The following MYO3B variants were observed in gnomAD, a reference collection of about 807,000 sequenced individuals.
MYO3B encodes the protein myosin-IIIb.
In MYO3B, 156 loss-of-function variants were observed where a neutral mutation model predicts 174.6. That is an observed-to-expected ratio of 0.89 (90% confidence interval 0.78 to 1.02). The LOEUF (loss-of-function observed/expected upper bound fraction) is 1.02, where lower values mean the gene tolerates loss of function less well. MYO3B is among the 50% of genes least tolerant of loss of function. MYO3B has a pLI of 0.00. For missense variants in MYO3B, 1,632 were observed against 1,639.4 expected (o/e 1.00, Z 0.08); for synonymous variants, 563 against 569.1 (o/e 0.99, Z 0.15).
rs147016152 is a variant in MYO3B, at chr2:170,404,400, G to A, written c.2431G>A (p.Asp811Asn). ...CCAAGCAACTGACCAGACCCTGGTT[G>A]GTAGGTAACTTCTGAGAAACAGGCA... ...FPQATDQTLV[D>N]KFEDNLRCKY... The change falls in exon 20 of 35, where the codon GAT becomes AAT. Residue 811 changes from aspartate (D) to asparagine (N), a missense_variant and splice_region_variant. Asp to Asn is a conservative substitution (Grantham distance 23). Transcript: ENST00000408978. The A allele has an allele frequency of 8.1e-6, 13 of 1,605,506 alleles. No individual in the cohort carries two copies. In the Admixed American group the frequency reaches 2.2e-4, roughly 28 times the overall value.
chr2:170,586,864 C>T (rs774531685), intron 32 of MYO3B, among the ~76,000 whole-genome samples: 7 of 152,204 alleles, frequency 4.6e-5, no homozygotes, highest in African/African-American at 7.2e-5. Flanking sequence ...GATATCTTGG[C>T]AGCCTTTTAG....
chr2:170,569,600 A>G (rs1052053518), intron 32 of MYO3B, among the ~76,000 whole-genome samples: 1 of 150,666 alleles, frequency 6.6e-6, no homozygotes, highest in Admixed American at 6.7e-5. Flanking sequence ...GGTGGCTCAC[A>G]CCTGTAATCC....
chr2:170,618,155 C>T (rs968685254), intron 32 of MYO3B, among the ~76,000 whole-genome samples: 2 of 152,272 alleles, frequency 1.3e-5, no homozygotes, highest in Middle Eastern at 3.4e-3. Flanking sequence ...GAAAGGGGTT[C>T]CTTCTTCTGA....
intron 23 of MYO3B, among the ~76,000 whole-genome samples, chr2:170,455,620 A>G (rs1009182392): frequency 6.6e-6 from 1 of 152,342 alleles, no homozygotes; most frequent in East Asian, 1.9e-4. Flanking sequence ...GTGATTTCAG[A>G]TAGGAAACAC....
intron 25 of MYO3B, among the ~76,000 whole-genome samples, chr2:170,470,127 A>AAAAAAAAG (rs1559032928): frequency 4.2e-5 from 6 of 141,886 alleles, no homozygotes; most frequent in Non-Finnish European, 7.7e-5. Flanking sequence ...AAAAAAAAAA[A>AAAAAAAAG]AAAGAAGGAA....
intron 16 of MYO3B, among the ~76,000 whole-genome samples, chr2:170,399,231 A>C (rs1443310624): frequency 9.1e-6 from 1 of 109,790 alleles, no homozygotes; most frequent in African/African-American, 3.3e-5. Flanking sequence ...AACAAGAGCG[A>C]AATTCCGTCT....
intron 22 of MYO3B, among the ~76,000 whole-genome samples, chr2:170,417,325 A>G (rs1200107868): frequency 8.5e-5 from 13 of 152,210 alleles, no homozygotes. Flanking sequence ...CAACTTGAAG[A>G]TAGAGCCCTT....
intron 7 of MYO3B, among the ~76,000 whole-genome samples, chr2:170,284,464 G>T (rs1340818070): frequency 1.3e-5 from 2 of 152,128 alleles, no homozygotes; most frequent in East Asian, 3.9e-4. Context: ...GGTGCAGAGA[G>T]GGGAGAGGCA....
At position 170,236,253 on chromosome 2, in the gene MYO3B, A is replaced by C. The variant is rs139646078; in HGVS notation, c.749+117A>C. 685 of 1,387,264 alleles carry C rather than the reference A, an allele frequency of 4.9e-4. 14 individuals carry two copies. In the Admixed American group the frequency reaches 0.013, roughly 26 times the overall value. The allele number at this position is 1,387,264 out of a possible 1,614,324, so 85.9% of individuals were successfully genotyped here. A position where few individuals can be genotyped will look rare whatever the true frequency, so the allele number is the denominator to read the frequency against. On this transcript the variant is annotated intron_variant, in intron 7 of 34. Coordinates refer to ENST00000408978, the MANE Select transcript of MYO3B (RefSeq NM_138995.5). ...CAAACCTGACAAAGCCTGATTGTGA[A>C]ATATATTTTCTTTGAAAAAGCAAGG...
In MYO3B at chr2:170,178,181, A is replaced by C; in HGVS notation, c.-107A>C. 7.3e-7 allele frequency: 1 copy of C among 1,363,060 alleles called. No individual in the cohort carries two copies. Among genetic ancestry groups the C allele is most frequent in the South Asian group, 1.2e-5 (1 of 85,866 alleles). 84.4% of individuals were successfully genotyped at this position (1,363,060 alleles called of 1,614,324 possible). ...GTCCTTTGGTAATGATGTGTCATAC[A>C]TTCTAGTCATCAAAGACACCATTTT... On this transcript the variant is annotated 5_prime_UTR_variant, in exon 1 of 35. Transcript: ENST00000408978.
At chr2:170,443,904 T>C (rs2094820923) in intron 22 of MYO3B, 63 bp from the exon 23 acceptor site, 2 of 1,403,122 alleles carry the variant, frequency 1.4e-6, no homozygotes, top group South Asian at 2.8e-5. Context: ...AAGGGAAAAA[T>C]TACTCATGAT....
chr2:170,301,954 G>C (rs2093668652), intron 7 of MYO3B, among the ~76,000 whole-genome samples: 1 of 148,872 alleles, frequency 6.7e-6, no homozygotes, highest in Non-Finnish European at 1.5e-5. Flanking sequence ...GCCAGCAGCA[G>C]GAGGCAAATT....
chr2:170,324,548 C>A (rs1383603722), intron 7 of MYO3B, among the ~76,000 whole-genome samples: 2 of 152,150 alleles, frequency 1.3e-5, no homozygotes, highest in Non-Finnish European at 2.9e-5. Context: ...TATTGCAAGC[C>A]CCAAATTGAA....
chr2:170,312,202 G>GT (rs1332353026), intron 7 of MYO3B, among the ~76,000 whole-genome samples: 1 of 152,192 alleles, frequency 6.6e-6, no homozygotes. Flanking sequence ...TCACAAATGT[G>GT]TCTAGACTAC....
At chr2:170,413,629 T>C (rs945745979) in intron 22 of MYO3B, among the ~76,000 whole-genome samples, 1 of 151,354 alleles carries the variant, frequency 6.6e-6, no homozygotes, top group Non-Finnish European at 1.5e-5. Context: ...ACTTTCACAT[T>C]CTAGATTTAG....
At chr2:170,434,754 C>T (rs953653740) in intron 22 of MYO3B, among the ~76,000 whole-genome samples, 1 of 152,210 alleles carries the variant, frequency 6.6e-6, no homozygotes, top group Non-Finnish European at 1.5e-5. Context: ...GAACTCATAT[C>T]TAACAAACAG....
In MYO3B at chr2:170,199,409, A is replaced by G; in HGVS notation, c.186+18A>G. ...CAGTCAGTGTAAGTAACAGTTGTAA[A>G]TTATAACCAGAATTTGGTGTTTTAT... is the stretch of plus-strand genomic sequence containing the variant. On this transcript the variant is annotated intron_variant, in intron 2 of 34. Coordinates refer to ENST00000408978, the MANE Select transcript of MYO3B (RefSeq NM_138995.5). The G allele has an allele frequency of 6.4e-7, 1 of 1,558,126 alleles. No homozygotes were observed. The highest frequency in any genetic ancestry group is 2.3e-5 in the East Asian group (1 of 43,864).
intron 9 of MYO3B, among the ~76,000 whole-genome samples, chr2:170,374,115 A>G (rs2094270026): frequency 6.6e-6 from 1 of 152,212 alleles, no homozygotes; most frequent in South Asian, 2.1e-4. Context: ...CGCCTTTCTC[A>G]TCTGTCATCT....
chr2:170,550,693 C>T (rs949480365), intron 32 of MYO3B, among the ~76,000 whole-genome samples: 1 of 152,154 alleles, frequency 6.6e-6, no homozygotes, highest in Non-Finnish European at 1.5e-5. Flanking sequence ...GTCTTTGCAG[C>T]TGTTGTTTTC....
Sources: allele counts gnomAD v4.1 joint callset (sites outside exome capture counted in the v4.1 genomes callset), GRCh38; gene constraint gnomAD v4.1.1; transcripts MANE v1.5; gene names NCBI Gene and HGNC (gene_info 2026-07-23, HGNC 2026-07-21).